Variants in EPYC observed in about 807,000 individuals in gnomAD.
The protein encoded by EPYC is epiphycan.
A neutral mutation model predicts 30.1 loss-of-function variants in EPYC; 28 were observed. The observed-to-expected ratio is 0.93, with a 90% CI of 0.69 to 1.28. The LOEUF is 1.28. EPYC is among the 50% of genes most tolerant of loss of function. The pLI, the probability that EPYC is intolerant of heterozygous loss-of-function variation, is 0.00. For missense variants in EPYC, 382 were observed against 383.5 expected (o/e 1.00, Z 0.03); for synonymous variants, 144 against 141.4 (o/e 1.02, Z -0.13).
chr12:91,000,356 G>A (rs1877794049), intron 2 of EPYC, among the ~76,000 whole-genome samples: 2 of 151,882 alleles, frequency 1.3e-5, no homozygotes, highest in African/African-American at 4.8e-5. Context: ...GGAAGTTGTT[G>A]TTCCAGAAAA....
In EPYC at chr12:90,967,288, A is replaced by G. The variant is rs1002174626; in HGVS notation, c.798+2756T>C. On this transcript the variant is annotated intron_variant, in intron 6 of 6. Coordinates refer to ENST00000261172, the MANE Select transcript of EPYC (RefSeq NM_004950.5). ...CTTTAGCTCCATCCCATACATTTCA[A>G]TGTGTTTTATTTTTGTTTTTATTTA... Among the ~76,000 whole-genome samples, 3 of 148,626 alleles carry G rather than the reference A, an allele frequency of 2.0e-5. No individual in the cohort carries two copies. The Admixed American group carries it at 2.1e-4, about 10-fold the overall frequency.
At chr12:90,977,124 T>A (rs1877205762) in intron 3 of EPYC, among the ~76,000 whole-genome samples, 2 of 152,296 alleles carry the variant, frequency 1.3e-5, no homozygotes, top group Non-Finnish European at 2.9e-5. Flanking sequence ...CGGTAGTTAT[T>A]TGAAACTAAG....
intron 2 of EPYC, 100 bp from the exon 3 acceptor site, chr12:90,978,362 A>AGTGTCCTCTTGT: frequency 8.5e-7 from 1 of 1,183,108 alleles, no homozygotes; most frequent in Non-Finnish European, 1.2e-6. Context: ...TTGCCACAAG[A>AGTGTCCTCTTGT]GGACACTCAT....
chr12:90,993,343 C>T (rs1318745627), intron 2 of EPYC, among the ~76,000 whole-genome samples: 1 of 152,142 alleles, frequency 6.6e-6, no homozygotes, highest in African/African-American at 2.4e-5. Context: ...GAAGCTCTTA[C>T]TTGCTTCACA....
chr12:90,990,891 T>C (rs1024043850), intron 2 of EPYC, among the ~76,000 whole-genome samples: 35 of 152,134 alleles, frequency 2.3e-4, no homozygotes, highest in Non-Finnish European at 7.4e-5. Flanking sequence ...TCTCTCTACT[T>C]CCAAAATTTA....
chr12:90,997,032 C>T (rs956123452), intron 2 of EPYC, among the ~76,000 whole-genome samples: 1 of 151,990 alleles, frequency 6.6e-6, no homozygotes, highest in Admixed American at 6.6e-5. Flanking sequence ...GACAAGCACA[C>T]TCAGTTACCA....
intron 3 of EPYC, among the ~76,000 whole-genome samples, chr12:90,973,531 ATGTCATGAAG>A (rs937326932): frequency 8.5e-5 from 13 of 152,330 alleles, no homozygotes; most frequent in African/African-American, 2.9e-4. Context: ...AATGTGATAA[ATGTCATGAAG>A]TGTCATCTGA....
rs187900755 is a variant in EPYC, at chr12:90,977,429, C to T, written c.340+659G>A. Among the ~76,000 whole-genome samples, 44 of 152,222 alleles carry T rather than the reference C, an allele frequency of 2.9e-4. 1 individual carries two copies. The Middle Eastern group carries it at 0.014, about 47-fold the overall frequency. On this transcript the variant is annotated intron_variant, in intron 3 of 6. Coordinates refer to ENST00000261172, the MANE Select transcript of EPYC (RefSeq NM_004950.5). ...GGTGTCTGATGTTGTGCAATATTTT[C>T]CTCTCTCTGTTGCTTCTTAGGATTG...
chr12:90,970,795 C>A (rs1877022311), intron 5 of EPYC, among the ~76,000 whole-genome samples: 1 of 152,200 alleles, frequency 6.6e-6, no homozygotes, highest in African/African-American at 2.4e-5. Context: ...GGGCATTTGC[C>A]ACCACCCAGT....
intron 2 of EPYC, among the ~76,000 whole-genome samples, chr12:90,986,084 GA>G (rs1440284750): frequency 6.6e-6 from 1 of 151,996 alleles, no homozygotes; most frequent in Non-Finnish European, 1.5e-5. Context: ...ATTAGGGAGG[GA>G]CATATTAGCC....
intron 2 of EPYC, among the ~76,000 whole-genome samples, chr12:90,993,619 A>G (rs552836439): frequency 1.3e-5 from 2 of 152,072 alleles, no homozygotes; most frequent in East Asian, 1.9e-4. Flanking sequence ...GCTTTGTATT[A>G]TGTTCCCAAC....
At chr12:90,983,002 C>T (rs1877357191) in intron 2 of EPYC, among the ~76,000 whole-genome samples, 1 of 151,976 alleles carries the variant, frequency 6.6e-6, no homozygotes, top group Non-Finnish European at 1.5e-5. Flanking sequence ...GAATATATAC[C>T]CAGTAGTGGG....
Position 90,971,784 on chromosome 12 carries a change from C to A in EPYC, c.702+16G>T. The A allele has an allele frequency of 6.6e-7, 1 of 1,510,254 alleles. No homozygotes were observed. The highest frequency in any genetic ancestry group is 8.9e-7 in the Non-Finnish European group (1 of 1,123,788). 93.6% of individuals were successfully genotyped at this position (1,510,254 alleles called of 1,614,324 possible). On this transcript the variant is annotated intron_variant, in intron 5 of 6. Transcript: ENST00000261172. ...AATTGGAAGATAAAAGTCTGCATATCAAACTTAAAACTTACTTTAAATGCT... is the reference window on the plus strand; with the variant it reads ...AATTGGAAGATAAAAGTCTGCATATAAAACTTAAAACTTACTTTAAATGCT...
chr12:90,994,295 T>C (rs1323061751), intron 2 of EPYC, among the ~76,000 whole-genome samples: 2 of 152,118 alleles, frequency 1.3e-5, no homozygotes, highest in Non-Finnish European at 2.9e-5. Flanking sequence ...TTTAATTGAG[T>C]GAGTGATTCA....
intron 3 of EPYC, among the ~76,000 whole-genome samples, chr12:90,976,643 T>G (rs942773398): frequency 6.6e-6 from 1 of 152,160 alleles, no homozygotes; most frequent in Non-Finnish European, 1.5e-5. Flanking sequence ...TGTCTCCCAA[T>G]GTGTTCTGGA....
chr12:90,980,950 G>T (rs1283900212), intron 2 of EPYC, among the ~76,000 whole-genome samples: 1 of 152,094 alleles, frequency 6.6e-6, no homozygotes, highest in Non-Finnish European at 1.5e-5. Context: ...CTGCACTTGT[G>T]TGTCTTCTTA....
At chr12:90,996,381 A>T (rs867236671) in intron 2 of EPYC, among the ~76,000 whole-genome samples, 5 of 151,846 alleles carry the variant, frequency 3.3e-5, no homozygotes, top group African/African-American at 4.8e-5. Context: ...TTTATTTTTT[A>T]AAAATTTTAT....
chr12:90,995,057 T>G (rs1176643152), intron 2 of EPYC, among the ~76,000 whole-genome samples: 1 of 152,138 alleles, frequency 6.6e-6, no homozygotes, highest in Non-Finnish European at 1.5e-5. Context: ...CATATAGATA[T>G]GTTAAGCACA....
rs763461998 is a variant in EPYC at position 90,971,910 on chromosome 12, G to C, written c.592C>G (p.Leu198Val). The C allele has an allele frequency of 6.2e-7, 1 of 1,612,176 alleles. No homozygotes were observed. The highest frequency in any genetic ancestry group is 1.1e-5 in the South Asian group (1 of 90,876). Residue 198 changes from leucine to valine, a missense_variant, in exon 5 of 7, where the codon CTG (leucine) becomes GTG (valine). Leu to Val is a conservative substitution (Grantham distance 32). Coordinates refer to ENST00000261172, the MANE Select transcript of EPYC (RefSeq NM_004950.5). ...RKLPQLRELV[L>V]RDNKIRQLPE... ...AGCTGCCTTATTTTGTTGTCACGCA[G>C]GACAAGCTCTCGAAGTTGAGGCAGT...
Sources: gnomAD v4.1 joint callset for allele counts (sites outside exome capture counted in the v4.1 genomes callset) on GRCh38, gnomAD v4.1.1 for gene constraint, MANE v1.5 for transcripts, NCBI Gene and HGNC (gene_info 2026-07-23, HGNC 2026-07-21) for gene names.